PLCE1: variants seen among roughly 807,000 people sequenced by gnomAD.
PLCE1 encodes the protein phospholipase C epsilon 1, also known as 1-phosphatidylinositol 4,5-bisphosphate phosphodiesterase epsilon-1.
A neutral mutation model predicts 242.8 loss-of-function variants in PLCE1; 119 were observed. That is an observed-to-expected ratio of 0.49 (90% CI 0.42 to 0.57). PLCE1 has a LOEUF of 0.57. PLCE1 is among the 20% of genes least tolerant of loss of function. PLCE1 has a pLI of 0.00. For synonymous variants in PLCE1, 945 were observed against 1,017.4 expected (o/e 0.93, Z 1.35); for missense variants, 2,441 against 2,788.8 (o/e 0.88, Z 2.81).
At chr10:94,305,420 G>C (rs1346731687) in intron 25 of PLCE1, among the ~76,000 whole-genome samples, 1 of 152,214 alleles carries the variant, frequency 6.6e-6, no homozygotes, top group Non-Finnish European at 1.5e-5. Flanking sequence ...GTGTGACAGA[G>C]TGAGACTCCG....
chr10:94,017,750 T>A (rs1227679623), intron 1 of PLCE1, among the ~76,000 whole-genome samples: 4 of 152,206 alleles, frequency 2.6e-5, no homozygotes, highest in Non-Finnish European at 5.9e-5. Flanking sequence ...GGGGAATCTC[T>A]ATGAGACTGG....
intron 4 of PLCE1, among the ~76,000 whole-genome samples, chr10:94,180,890 C>T (rs1264832560): frequency 1.3e-5 from 2 of 152,228 alleles, no homozygotes; most frequent in Admixed American, 6.5e-5. Context: ...TTGTTAGCAC[C>T]TTGTGGAGCT....
chr10:94,099,804 TG>T (rs2135472163), intron 2 of PLCE1: 1 of 152,310 alleles, frequency 6.6e-6, no homozygotes, highest in African/African-American at 2.4e-5. Context: ...GAGGATCCAG[TG>T]GGTCTTTGGT....
intron 2 of PLCE1, among the ~76,000 whole-genome samples, chr10:94,086,917 G>A (rs1589985697): frequency 6.6e-6 from 1 of 152,250 alleles, no homozygotes; most frequent in Non-Finnish European, 1.5e-5. Flanking sequence ...AAGGACAAGT[G>A]GAATATTCAC....
At chr10:94,283,995 C>G in intron 21 of PLCE1, 84 bp downstream of exon 21, 6 of 1,495,054 alleles carry the variant, frequency 4.0e-6, no homozygotes, top group Non-Finnish European at 5.5e-6. Flanking sequence ...TGCTCCCTGT[C>G]CCTCCCTTTC....
chr10:94,107,239 C>T (rs2045783377), intron 2 of PLCE1: 1 of 151,938 alleles, frequency 6.6e-6, no homozygotes, highest in African/African-American at 2.4e-5. Context: ...CAAAGAGTTA[C>T]AAAGGAAAGC....
At chr10:94,148,415 C>A (rs1164557070) in intron 3 of PLCE1, among the ~76,000 whole-genome samples, 5 of 152,118 alleles carry the variant, frequency 3.3e-5, no homozygotes, top group Non-Finnish European at 7.4e-5. Flanking sequence ...GGAAGATAGG[C>A]ATCCAGGACA....
At chr10:94,098,561 GC>G (rs1002729745) in intron 2 of PLCE1, among the ~76,000 whole-genome samples, 39 of 152,100 alleles carry the variant, frequency 2.6e-4, no homozygotes, top group African/African-American at 8.5e-4. Flanking sequence ...CTTTAAAATG[GC>G]TTTTAATATT....
chr10:94,208,924 G>C (rs1433851890), intron 4 of PLCE1, among the ~76,000 whole-genome samples: 9 of 152,204 alleles, frequency 5.9e-5, no homozygotes. Flanking sequence ...CAGGCACCAA[G>C]ACATGACCCC....
chr10:94,232,604 A>G (rs2050182522), intron 5 of PLCE1, among the ~76,000 whole-genome samples: 1 of 152,090 alleles, frequency 6.6e-6, no homozygotes, highest in Non-Finnish European at 1.5e-5. Context: ...CCATCTCCCC[A>G]CTGCACAATT....
chr10:94,077,516 T>C (rs995002261), intron 2 of PLCE1, among the ~76,000 whole-genome samples: 1 of 152,188 alleles, frequency 6.6e-6, no homozygotes, highest in Non-Finnish European at 1.5e-5. Flanking sequence ...TCCCAGACCT[T>C]TGGGAGGCCA....
intron 14 of PLCE1, among the ~76,000 whole-genome samples, chr10:94,264,606 C>A (rs1407262830): frequency 6.8e-6 from 1 of 147,108 alleles, no homozygotes; most frequent in Non-Finnish European, 1.5e-5. Context: ...ACTGCAACCT[C>A]CGCCTCCCAG....
chr10:94,149,395 G>A (rs1034944150), intron 3 of PLCE1, among the ~76,000 whole-genome samples: 6 of 152,162 alleles, frequency 3.9e-5, no homozygotes, highest in South Asian at 4.1e-4. Flanking sequence ...TGAGAGCTAC[G>A]TGCAGCTCAG....
At chr10:94,165,885 T>G (rs2047786168) in intron 3 of PLCE1, among the ~76,000 whole-genome samples, 1 of 152,054 alleles carries the variant, frequency 6.6e-6, no homozygotes, top group Admixed American at 6.6e-5. Flanking sequence ...TTTTGTATTT[T>G]TAGTAGAGAC....
intron 21 of PLCE1, 78 bp downstream of exon 21, chr10:94,283,989 C>G: frequency 1.3e-6 from 2 of 1,506,142 alleles, no homozygotes; most frequent in Non-Finnish European, 1.8e-6. Flanking sequence ...TCCACTTGCT[C>G]CCTGTCCCTC....
Position 94,252,467 on chromosome 10 carries a change from C to A in PLCE1, c.3248C>A (p.Thr1083Asn). 1 of 1,613,810 alleles carries A rather than the reference C, an allele frequency of 6.2e-7. No individual in the cohort carries two copies. The highest frequency in any genetic ancestry group is 1.1e-5 in the South Asian group (1 of 91,046). Reference sequence around the variant, plus strand: ...AGAAACAATACCCTGGGCATAAGCACTACCAAGAAAAAGAAGAAAATCCTC... The same window carrying A: ...AGAAACAATACCCTGGGCATAAGCAATACCAAGAAAAAGAAGAAAATCCTC... ...MQRNNTLGIS[T>N]TKKKKKILMR... The change falls in exon 9 of 33, where the codon ACT becomes AAT. Residue 1083 changes from threonine to asparagine, a missense_variant. Around this residue, in one of 5 missense-constraint regions of PLCE1, gnomAD observed 1,004 missense variants for 1,322.7 expected, o/e 0.76. Transcript: ENST00000371380.
At chr10:94,019,216 T>C (rs1386741587) in intron 1 of PLCE1, among the ~76,000 whole-genome samples, 1 of 152,142 alleles carries the variant, frequency 6.6e-6, no homozygotes, top group Admixed American at 6.5e-5. Context: ...GCTATGCCAG[T>C]GCTATGAATT....
intron 4 of PLCE1, among the ~76,000 whole-genome samples, chr10:94,209,261 G>C (rs188295253): frequency 3.9e-5 from 6 of 152,160 alleles, no homozygotes; most frequent in Non-Finnish European, 8.8e-5. Context: ...TTGACAGAAG[G>C]CTGGAGTCTA....
At position 94,033,026 on chromosome 10, in the gene PLCE1, G is replaced by A. The variant is rs1488743248; in HGVS notation, c.1206+774G>A. ...CACAGATTTTACAATCTAATACACT[G>A]TAACACTATTTACATAGTATAAGGT... On this transcript the variant is annotated intron_variant, in intron 2 of 32. Transcript: ENST00000371380. 3.3e-5 allele frequency among the ~76,000 whole-genome samples: 5 copies of A among 151,882 alleles called. No homozygotes were observed. In the East Asian group the frequency reaches 9.6e-4, roughly 29 times the overall value.
Sources: gnomAD v4.1 joint callset for allele counts (sites outside exome capture counted in the v4.1 genomes callset) on GRCh38, gnomAD v4.1.1 for gene constraint, gnomAD v4.1.1 regional missense constraint, MANE v1.5 for transcripts, NCBI Gene and HGNC (gene_info 2026-07-23, HGNC 2026-07-21) for gene names.